CENPK: variants seen among roughly 807,000 people sequenced by gnomAD.
CENPK encodes centromere protein K.
In CENPK, 46 loss-of-function variants were observed where a neutral mutation model predicts 40.9. The observed-to-expected ratio is 1.13, with a 90% CI of 0.89 to 1.44. CENPK has a LOEUF of 1.44. Ranked by LOEUF, CENPK falls within the 40% of genes most tolerant of loss-of-function variation. The probability of loss-of-function intolerance (pLI) is 0.00; values close to 1 mark genes in which losing one functional copy is unlikely to be tolerated. For missense variants in CENPK, 288 were observed against 303.5 expected, an observed-to-expected ratio of 0.95 and a Z score of 0.38; for synonymous variants, 107 against 104.4, an observed-to-expected ratio of 1.02 and a Z score of -0.15.
At chr5:65,547,638 G>C (rs2150488637) in intron 5 of CENPK, among the ~76,000 whole-genome samples, 1 of 151,904 alleles carries the variant, frequency 6.6e-6, no homozygotes, top group Admixed American at 6.6e-5. Flanking sequence ...AGAATGAGGA[G>C]AAAACAGCTG....
At chr5:65,533,835 G>A (rs1438617964) in intron 6 of CENPK, among the ~76,000 whole-genome samples, 3 of 151,986 alleles carry the variant, frequency 2.0e-5, no homozygotes, top group African/African-American at 7.2e-5. Flanking sequence ...GAGGTCAGGA[G>A]ATCGAGACCA....
intron 6 of CENPK, among the ~76,000 whole-genome samples, chr5:65,536,785 T>G (rs956824164): frequency 1.3e-5 from 2 of 152,224 alleles, no homozygotes; most frequent in Non-Finnish European, 2.9e-5. Context: ...TTAGCTTTAT[T>G]TCTTCTATTA....
chr5:65,557,258 G>C (rs1303059346), intron 2 of CENPK, among the ~76,000 whole-genome samples: 1 of 152,204 alleles, frequency 6.6e-6, no homozygotes. Flanking sequence ...AATTTATTTA[G>C]TAATATAGAG....
chr5:65,551,249 CA>C (rs58442174), intron 5 of CENPK: 7,131 of 111,418 alleles, frequency 0.064, 12 homozygotes, highest in South Asian at 0.11. Flanking sequence ...GACCCTGTCT[CA>C]AAAAAAAAAA....
At chr5:65,548,617 G>A (rs180676031) in intron 5 of CENPK, among the ~76,000 whole-genome samples, 273 of 152,226 alleles carry the variant, frequency 1.8e-3, no homozygotes, top group African/African-American at 5.8e-3. Flanking sequence ...AAACCCTGAC[G>A]CTGCCTTACC....
intron 6 of CENPK, among the ~76,000 whole-genome samples, chr5:65,536,704 A>G (rs1746966563): frequency 6.6e-6 from 1 of 151,936 alleles, no homozygotes; most frequent in Non-Finnish European, 1.5e-5. Context: ...TGTATTATTT[A>G]TTTTATTATT....
At chr5:65,506,648 G>A in the CENPK span, among the ~76,000 whole-genome samples, 29 of 152,146 alleles carry the variant, frequency 1.9e-4, no homozygotes, top group African/African-American at 6.3e-4. Context: ...AGCCAGGCAT[G>A]TTGATGAGTG....
the CENPK span, among the ~76,000 whole-genome samples, chr5:65,497,464 T>C: frequency 2.0e-5 from 3 of 152,096 alleles, no homozygotes; most frequent in African/African-American, 4.8e-5. Flanking sequence ...AACATGGCAG[T>C]TGACCTCATC....
intron 6 of CENPK, 94 bp from the exon 7 acceptor site, chr5:65,529,293 C>A: frequency 1.3e-6 from 1 of 773,090 alleles, no homozygotes; most frequent in African/African-American, 1.8e-5. Context: ...CAGGATACTT[C>A]CATTCAGACA....
intron 6 of CENPK, among the ~76,000 whole-genome samples, chr5:65,539,454 C>T (rs563684283): frequency 4.6e-5 from 7 of 152,212 alleles, no homozygotes; most frequent in Admixed American, 6.5e-5. Context: ...TCCAAAAGAA[C>T]GAAATAGGAA....
At chr5:65,559,694 T>C (rs1341438323) in intron 2 of CENPK, among the ~76,000 whole-genome samples, 2 of 150,238 alleles carry the variant, frequency 1.3e-5, no homozygotes, top group Non-Finnish European at 3.0e-5. Context: ...AAGATCCTCA[T>C]GAAAAATAAG....
downstream of CENPK, among the ~76,000 whole-genome samples, chr5:65,512,924 T>C (rs74538254): frequency 0.011 from 1,669 of 152,372 alleles, 22 homozygotes; most frequent in South Asian, 0.033. Context: ...AATTCTCTAA[T>C]GACATACGAT....
At chr5:65,547,286 G>A (rs773390696) in intron 5 of CENPK, among the ~76,000 whole-genome samples, 8 of 151,744 alleles carry the variant, frequency 5.3e-5, no homozygotes, top group Non-Finnish European at 7.4e-5. Flanking sequence ...CCAGCTACTC[G>A]GGAGACTGAG....
At chr5:65,523,992 G>T (rs1232285302) in intron 9 of CENPK, among the ~76,000 whole-genome samples, 5 of 151,928 alleles carry the variant, frequency 3.3e-5, no homozygotes, top group Admixed American at 3.3e-4. Flanking sequence ...CACCATCCAA[G>T]AATCCAAAGA....
chr5:65,529,241 C>T (rs1164776196), intron 6 of CENPK, 42 bp from the exon 7 acceptor site: 3 of 1,318,490 alleles, frequency 2.3e-6, no homozygotes, highest in South Asian at 2.5e-5. Context: ...GTCTTTAATC[C>T]CAGTTTTATT....
At chr5:65,555,032 G>A in intron 2 of CENPK, 86 bp from the exon 3 acceptor site, 1 of 676,848 alleles carries the variant, frequency 1.5e-6, no homozygotes, top group East Asian at 2.6e-5. Flanking sequence ...TAAGAATATA[G>A]CAATGAACAA....
At chr5:65,516,480 A>T (rs1742865081), downstream of CENPK, among the ~76,000 whole-genome samples, 1 of 152,220 alleles carries the variant, frequency 6.6e-6, no homozygotes, top group Admixed American at 6.5e-5. Flanking sequence ...TTATTGCAAA[A>T]CAAGATTCAT....
the CENPK span, among the ~76,000 whole-genome samples, chr5:65,505,709 C>G: frequency 6.6e-6 from 1 of 152,254 alleles, no homozygotes; most frequent in Non-Finnish European, 1.5e-5. Flanking sequence ...TTATCCTGCA[C>G]AGCATTCAGT....
intron 3 of CENPK, among the ~76,000 whole-genome samples, chr5:65,554,465 T>A (rs1164789786): frequency 5.3e-5 from 8 of 152,202 alleles, no homozygotes; most frequent in Admixed American, 4.6e-4. Flanking sequence ...AAAGCTATCC[T>A]TGACCCCTTC....
Sources: gnomAD v4.1 joint callset for allele counts (sites outside exome capture counted in the v4.1 genomes callset) on GRCh38, gnomAD v4.1.1 for gene constraint, MANE v1.5 for transcripts, NCBI Gene and HGNC (gene_info 2026-07-23, HGNC 2026-07-21) for gene names.